Variants in ZNF730 observed in about 807,000 individuals in gnomAD.
The protein encoded by ZNF730 is putative zinc finger protein 730.
A neutral mutation model predicts 12.6 loss-of-function variants in ZNF730; 12 were observed. The ratio of observed to expected loss-of-function variants is 0.95; its 90% CI spans 0.61 to 1.54. The LOEUF (loss-of-function observed/expected upper bound fraction) is 1.54. Among genes scored for constraint, ZNF730 ranks in the 40% most tolerant of loss-of-function variants. ZNF730 has a pLI of 0.00. For missense variants in ZNF730, 643 were observed against 583.5 expected (o/e 1.10, Z -1.05); for synonymous variants, 194 against 195.8 (o/e 0.99, Z 0.08).
At chr19:23,095,618 C>T (rs1461341118) in intron 1 of ZNF730, 1 of 393,694 alleles carries the variant, frequency 2.5e-6, no homozygotes, top group Non-Finnish European at 4.5e-6. Context: ...AGTTTTGGCA[C>T]TGCCCTCAGA....
At position 23,134,058 on chromosome 19, in the gene ZNF730, T is replaced by A. The variant is rs774896882; in HGVS notation, c.4-22T>A. 3.7e-6 allele frequency: 6 copies of A among 1,611,320 alleles called. No homozygotes were observed. In the South Asian group the frequency reaches 6.6e-5, roughly 18 times the overall value. ...TGCCCAGGGGCACTTGGTAAATATG[T>A]GTGTTTGTTTGTGTTTTTCAGGGAG... On this transcript the variant is annotated intron_variant, in intron 1 of 3. Coordinates refer to ENST00000597761, the MANE Select transcript of ZNF730 (RefSeq NM_001277403.2).
intron 1 of ZNF730, among the ~76,000 whole-genome samples, chr19:23,100,675 A>C (rs1970326402): frequency 1.4e-5 from 1 of 72,722 alleles, no homozygotes; most frequent in Non-Finnish European, 2.5e-5. Flanking sequence ...TTTTTTTTTG[A>C]GACAGAATCT....
intron 1 of ZNF730, among the ~76,000 whole-genome samples, chr19:23,108,211 T>C (rs1970417452): frequency 6.6e-6 from 1 of 152,170 alleles, no homozygotes; most frequent in Non-Finnish European, 1.5e-5. Flanking sequence ...TAAGCTTGGC[T>C]GCTCTGTCAT....
chr19:23,100,630 C>CTTTTTTTTTTTTTTTTTTTTTTTTTT (rs201462781), intron 1 of ZNF730, among the ~76,000 whole-genome samples: 1 of 118,554 alleles, frequency 8.4e-6, no homozygotes, highest in African/African-American at 3.9e-5. Flanking sequence ...GATGGTGATT[C>CTTTTTTTTTTTTTTTTTTTTTTTTTT]TTTTTTTTTT....
chr19:23,129,571 A>ACCCC (rs1970716872), intron 1 of ZNF730, among the ~76,000 whole-genome samples: 2 of 111,552 alleles, frequency 1.8e-5, no homozygotes, highest in African/African-American at 4.2e-5. Context: ...CAATGCTTGT[A>ACCCC]TCCCCCCCCC....
In ZNF730 at chr19:23,145,845, A is replaced by G; in HGVS notation, c.801A>G (p.Gln267=). 2 of 1,605,648 alleles carry G rather than the reference A, an allele frequency of 1.2e-6. No individual in the cohort carries two copies. The highest frequency in any genetic ancestry group is 1.1e-5 in the South Asian group (1 of 90,020). The change falls in exon 4 of 4, where the codon CAA becomes CAG. Residue 267 remains glutamine (Q), a synonymous_variant. Coordinates refer to ENST00000597761, the MANE Select transcript of ZNF730 (RefSeq NM_001277403.2). ...AGAAATGTGGCAAATTTTTTAACCA[A>G]TCCACAAACCTTACTACACATAAAA... ...QCEKCGKFFN[Q]STNLTTHKRI... is the part of the protein sequence containing the mutation.
rs952887605 is a variant in ZNF730, at chr19:23,087,772, C to T, written c.-94+12385C>T. On this transcript the variant is annotated intron_variant, in intron 1 of 2. Transcript: ENST00000593635. ...CTGGGATTACAGGCATGCGCCACCACGCCTGGCTAATTTTGTATTTTTAGT... is the reference window on the plus strand; with the variant it reads ...CTGGGATTACAGGCATGCGCCACCATGCCTGGCTAATTTTGTATTTTTAGT... Among the ~76,000 whole-genome samples, 8 of 151,772 alleles carry T rather than the reference C, an allele frequency of 5.3e-5. No individual in the cohort carries two copies. In the East Asian group the frequency reaches 7.9e-4, roughly 15 times the overall value.
chr19:23,095,008 C>T (rs1342518313), intron 1 of ZNF730: 1 of 181,288 alleles, frequency 5.5e-6, no homozygotes, highest in African/African-American at 2.3e-5. Context: ...TTGACTCTTT[C>T]CAGTTCAGAT....
At chr19:23,085,631 C>T (rs1205031027) in intron 1 of ZNF730, among the ~76,000 whole-genome samples, 1 of 145,378 alleles carries the variant, frequency 6.9e-6, no homozygotes, top group African/African-American at 2.5e-5. Flanking sequence ...CTGCCTCTGC[C>T]TCTCTAGTAG....
chr19:23,099,074 A>C (rs1970297133), intron 1 of ZNF730, among the ~76,000 whole-genome samples: 1 of 152,138 alleles, frequency 6.6e-6, no homozygotes, highest in Non-Finnish European at 1.5e-5. Flanking sequence ...AATTTTTAGA[A>C]TTACCACTAT....
chr19:23,116,326 T>TTTCTTTTCTTTTC (rs1473445087), upstream of ZNF730, among the ~76,000 whole-genome samples: 1 of 138,084 alleles, frequency 7.2e-6, no homozygotes, highest in African/African-American at 2.9e-5. Flanking sequence ...TTTCTTTTCT[T>TTTCTTTTCTTTTC]TCTTTCTTTC....
At chr19:23,080,052 T>C (rs1969937131) in intron 1 of ZNF730, among the ~76,000 whole-genome samples, 1 of 151,994 alleles carries the variant, frequency 6.6e-6, no homozygotes, top group Admixed American at 6.6e-5. Flanking sequence ...TTCAAGCAAT[T>C]CTCCTGCCTC....
At chr19:23,129,572 T>TCCCC (rs35242637) in intron 1 of ZNF730, among the ~76,000 whole-genome samples, 1,623 of 138,188 alleles carry the variant, frequency 0.012, 24 homozygotes, top group African/African-American at 0.028. Flanking sequence ...AATGCTTGTA[T>TCCCC]CCCCCCCCCC....
intron 1 of ZNF730, among the ~76,000 whole-genome samples, chr19:23,080,848 T>TTTC (rs1491239015): frequency 5.1e-5 from 3 of 58,734 alleles, no homozygotes; most frequent in African/African-American, 4.2e-4. Flanking sequence ...TTTTCTTTTC[T>TTTC]TTTTTTTTTT....
intron 1 of ZNF730, among the ~76,000 whole-genome samples, chr19:23,079,687 C>T (rs968608808): frequency 2.6e-5 from 4 of 152,086 alleles, no homozygotes; most frequent in Admixed American, 6.6e-5. Flanking sequence ...TAAGTGCAGT[C>T]CTGTTGTTTT....
intron 1 of ZNF730, chr19:23,128,335 T>C (rs1568313447): frequency 3.4e-6 from 2 of 587,222 alleles, no homozygotes; most frequent in South Asian, 3.3e-5. Flanking sequence ...CAGGAAACAG[T>C]TCTCTCAATA....
Position 23,134,098 on chromosome 19 carries a change from G to A in ZNF730, c.22G>A (p.Asp8Asn). Residue 8 changes from aspartate to asparagine, a missense_variant, in exon 2 of 4, where the codon GAT becomes AAT. By Grantham distance (23) the Asp-to-Asn change is conservative. Transcript: ENST00000597761. Reference sequence around the variant, plus strand: ...TTTTCAGGGAGCGTTGACATTTAGAGATGTGGCCATAGAATTCTCTCTGGA... The same window carrying A: ...TTTTCAGGGAGCGTTGACATTTAGAAATGTGGCCATAGAATTCTCTCTGGA... Reference protein sequence around the residue: MGALTFRDVAIEFSLEEW... With the variant: MGALTFRNVAIEFSLEEW... The A allele has an allele frequency of 6.2e-7, 1 of 1,613,614 alleles. No homozygotes were observed. Among genetic ancestry groups the A allele is most frequent in the South Asian group, 1.1e-5 (1 of 91,062 alleles).
At chr19:23,129,900 A>G (rs1013344637) in intron 1 of ZNF730, among the ~76,000 whole-genome samples, 1 of 150,554 alleles carries the variant, frequency 6.6e-6, no homozygotes, top group Admixed American at 6.6e-5. Flanking sequence ...AGGCTGCGGC[A>G]GGAGAATGGC....
Position 23,145,597 on chromosome 19 carries a change from C to T in ZNF730, c.553C>T (p.Leu185Phe). 1 of 1,544,814 alleles carries T rather than the reference C, an allele frequency of 6.5e-7. No individual in the cohort carries two copies. Among genetic ancestry groups the T allele is most frequent in the Middle Eastern group, 1.7e-4 (1 of 5,904 alleles). The change falls in exon 4 of 4, where the codon CTT becomes TTT. Residue 185 changes from leucine (L) to phenylalanine (F), a missense_variant. Physicochemically the swap from Leu to Phe is conservative, Grantham distance 22 (BLOSUM62 0). Transcript: ENST00000597761. ...AGAATGTGGAAAATTATTTTGCATT[C>T]TTTCACACTTAGCTCAACATAAAAA... ...CKECGKLFCI[L>F]SHLAQHKKIH...
Sources: gnomAD v4.1 joint callset for allele counts (sites outside exome capture counted in the v4.1 genomes callset) on GRCh38, gnomAD v4.1.1 for gene constraint, MANE v1.5 for transcripts, NCBI Gene and HGNC (gene_info 2026-07-23, HGNC 2026-07-21) for gene names.